RILPL2: variants seen among roughly 807,000 people sequenced by gnomAD.
RILPL2 encodes the protein RILP-like protein 2.
Under a neutral mutation model 22.2 loss-of-function variants are expected in RILPL2, and 19 were observed. The ratio of observed to expected loss-of-function variants is 0.86; its 90% CI spans 0.60 to 1.25. The LOEUF (loss-of-function observed/expected upper bound fraction) is 1.25, where lower values mean the gene tolerates loss of function less well. Among genes scored for constraint, RILPL2 ranks in the 50% most tolerant of loss-of-function variants. The probability of loss-of-function intolerance (pLI) is 0.00; values close to 1 mark genes in which losing one functional copy is unlikely to be tolerated. For synonymous variants in RILPL2, 123 were observed against 111.6 expected, an observed-to-expected ratio of 1.10 and a Z score of -0.64; for missense variants, 243 against 263.6, an observed-to-expected ratio of 0.92 and a Z score of 0.54.
At chr12:123,424,500 T>C (rs1344218811) in intron 2 of RILPL2, among the ~76,000 whole-genome samples, 2 of 151,958 alleles carry the variant, frequency 1.3e-5, no homozygotes, top group African/African-American at 2.4e-5. Flanking sequence ...CCTGGCTAAT[T>C]TTGTATTTTT....
the RILPL2 span, chr12:123,409,333 A>G: frequency 3.3e-5 from 5 of 152,000 alleles, no homozygotes; most frequent in South Asian, 2.1e-4. Context: ...GAAACAAATT[A>G]AAATATTTAT....
chr12:123,432,239 C>T (rs1460842997), intron 1 of RILPL2, among the ~76,000 whole-genome samples: 4 of 152,194 alleles, frequency 2.6e-5, no homozygotes, highest in Non-Finnish European at 4.4e-5. Context: ...GGAATAGTGG[C>T]TCACGCCTGT....
intron 2 of RILPL2, among the ~76,000 whole-genome samples, chr12:123,429,729 C>T (rs1879561207): frequency 6.6e-6 from 1 of 151,936 alleles, no homozygotes; most frequent in African/African-American, 2.4e-5. Context: ...GCCTCAGCCT[C>T]CCGAGTAGCT....
intron 3 of RILPL2, among the ~76,000 whole-genome samples, chr12:123,422,005 CTTT>C (rs35786523): frequency 3.8e-5 from 5 of 132,350 alleles, no homozygotes; most frequent in African/African-American, 2.8e-5. Context: ...CTTTCTCTCT[CTTT>C]TTTTTTTTTT....
At chr12:123,428,274 C>G (rs1879499416) in intron 2 of RILPL2, among the ~76,000 whole-genome samples, 1 of 152,078 alleles carries the variant, frequency 6.6e-6, no homozygotes, top group Non-Finnish European at 1.5e-5. Context: ...GTAGCTGGGA[C>G]TACAGGCGCC....
downstream of RILPL2, chr12:123,413,325 T>C (rs1879024015): frequency 2.5e-5 from 4 of 157,636 alleles, no homozygotes; most frequent in East Asian, 1.9e-4. Context: ...AGTGTTACAG[T>C]TCTTAAAGGT....
At chr12:123,416,147 A>G (rs1361259761) in intron 3 of RILPL2, among the ~76,000 whole-genome samples, 2 of 147,928 alleles carry the variant, frequency 1.4e-5, no homozygotes, top group African/African-American at 2.5e-5. Flanking sequence ...CAGCATAGTG[A>G]GACCCCATCT....
At chr12:123,428,239 C>T (rs1408999751) in intron 2 of RILPL2, among the ~76,000 whole-genome samples, 4 of 152,140 alleles carry the variant, frequency 2.6e-5, no homozygotes, top group Non-Finnish European at 4.4e-5. Flanking sequence ...CAGGTTCACA[C>T]CATTCTCCTG....
At chr12:123,429,335 G>A (rs151116374) in intron 2 of RILPL2, among the ~76,000 whole-genome samples, 3,543 of 152,064 alleles carry the variant, frequency 0.023, 138 homozygotes, top group African/African-American at 0.081. Context: ...TTGCTCTTTC[G>A]CCCAGGCTGC....
intron 2 of RILPL2, among the ~76,000 whole-genome samples, chr12:123,425,897 C>T (rs1415547903): frequency 6.6e-6 from 1 of 152,084 alleles, no homozygotes; most frequent in Non-Finnish European, 1.5e-5. Context: ...GGCAATCTGC[C>T]TGCCTCGGCC....
At chr12:123,434,571 C>A (rs955466791) in intron 1 of RILPL2, among the ~76,000 whole-genome samples, 1 of 151,692 alleles carries the variant, frequency 6.6e-6, no homozygotes, top group African/African-American at 2.4e-5. Flanking sequence ...TTACAGGCAC[C>A]CGCCACCACG....
At chr12:123,410,713 C>T (rs28539053), downstream of RILPL2, 2 of 125,628 alleles carry the variant, frequency 1.6e-5, no homozygotes, top group East Asian at 2.3e-4. Context: ...TGAGTTAATA[C>T]AAAAAAAAAA....
chr12:123,432,985 T>TAAGAAGAAG (rs147578719), intron 1 of RILPL2, among the ~76,000 whole-genome samples: 1 of 151,306 alleles, frequency 6.6e-6, no homozygotes, highest in African/African-American at 2.4e-5. Flanking sequence ...TAATAATAAT[T>TAAGAAGAAG]AAGAAGAAGA....
At chr12:123,435,922 G>C (rs1046831791) in intron 1 of RILPL2, among the ~76,000 whole-genome samples, 160 bp downstream of exon 1, 6 of 152,056 alleles carry the variant, frequency 3.9e-5, no homozygotes, top group Admixed American at 3.3e-4. Flanking sequence ...GGAGCCAGGA[G>C]TTTGAGACCA....
chr12:123,423,698 G>A (rs1879353460), intron 2 of RILPL2, among the ~76,000 whole-genome samples: 1 of 150,674 alleles, frequency 6.6e-6, no homozygotes, highest in African/African-American at 2.4e-5. Context: ...CTGTTGCCCA[G>A]GCTGGAGTGC....
At chr12:123,434,619 A>C (rs929513465) in intron 1 of RILPL2, among the ~76,000 whole-genome samples, 1 of 151,510 alleles carries the variant, frequency 6.6e-6, no homozygotes, top group Non-Finnish European at 1.5e-5. Context: ...GTAGAGATAG[A>C]GTTTCACCAT....
At position 123,436,561 on chromosome 12, in the gene RILPL2, G is replaced by C. The variant is rs1174546675; in HGVS notation, c.-141C>G. 1 of 1,354,438 alleles carries C rather than the reference G, an allele frequency of 7.4e-7. No individual in the cohort carries two copies. Among genetic ancestry groups the C allele is most frequent in the Admixed American group, 2.8e-5 (1 of 36,202 alleles). The allele number at this position is 1,354,438 out of a possible 1,614,324, so 83.9% of individuals were successfully genotyped here. On this transcript the variant is annotated 5_prime_UTR_variant, in exon 1 of 4. In the 5' UTR this introduces an upstream ATG that the reference lacks. Coordinates refer to ENST00000280571, the MANE Select transcript of RILPL2 (RefSeq NM_145058.3). The surrounding 1 kb of genome is among the most constrained non-coding windows in gnomAD (Gnocchi z 6.7). Reference sequence around the variant, plus strand: ...CGCGGCCCGGGGGTGGGCCCGGGGGGATGGTGCAAGGGGCCGCGCACGCGA... The same window carrying C: ...CGCGGCCCGGGGGTGGGCCCGGGGGCATGGTGCAAGGGGCCGCGCACGCGA...
At chr12:123,433,028 G>C (rs1044259452) in intron 1 of RILPL2, among the ~76,000 whole-genome samples, 2 of 151,966 alleles carry the variant, frequency 1.3e-5, no homozygotes, top group African/African-American at 4.8e-5. Context: ...GGAAGCTACA[G>C]GGAAACTTCA....
In RILPL2 at chr12:123,436,572, G is replaced by A; in HGVS notation, c.-152C>T. ...GGTGGGCCCGGGGGGATGGTGCAAG[G>A]GGCCGCGCACGCGACTCTTGGGCCT... On this transcript the variant is annotated 5_prime_UTR_variant, in exon 1 of 4. Transcript: ENST00000280571. The surrounding 1 kb of genome is among the most constrained non-coding windows in gnomAD (Gnocchi z 6.7). 7.8e-7 allele frequency: 1 copy of A among 1,278,722 alleles called. No homozygotes were observed. The highest frequency in any genetic ancestry group is 1.0e-6 in the Non-Finnish European group (1 of 957,118). 79.2% of individuals were successfully genotyped at this position (1,278,722 alleles called of 1,614,324 possible).
Sources: gnomAD v4.1 joint callset for allele counts (sites outside exome capture counted in the v4.1 genomes callset) on GRCh38, gnomAD v4.1.1 for gene constraint, Gnocchi (gnomAD v3.1) non-coding constraint, MANE v1.5 for transcripts, NCBI Gene and HGNC (gene_info 2026-07-23, HGNC 2026-07-21) for gene names.